Variants in RAP1B observed in about 807,000 individuals in gnomAD.
RAP1B encodes ras-related protein Rap-1b.
RAP1B carries 1 observed loss-of-function variant against 27.5 expected under a neutral mutation model. The observed-to-expected ratio is 0.04, with a 90% CI of 0.01 to 0.17. RAP1B has a LOEUF of 0.17. Ranked by LOEUF, RAP1B falls within the 10% of genes least tolerant of loss-of-function variation. RAP1B has a pLI of 1.00. For synonymous variants in RAP1B, 75 were observed against 73.1 expected, an observed-to-expected ratio of 1.03 and a Z score of -0.13; for missense variants, 84 against 214.8, an observed-to-expected ratio of 0.39 and a Z score of 3.81.
At position 68,664,869 on chromosome 12, in the gene RAP1B, T is replaced by A. The variant is rs982754248; in HGVS notation, c.*5620T>A. 1.3e-5 allele frequency: 2 copies of A among 152,232 alleles called. No individual in the cohort carries two copies. Among genetic ancestry groups the A allele is most frequent in the African/African-American group, 4.8e-5 (2 of 41,470 alleles). The allele number at this position is 152,232 out of a possible 1,614,324, so 9.4% of individuals were successfully genotyped here. On this transcript the variant is annotated 3_prime_UTR_variant, in exon 8 of 8. Transcript: ENST00000250559. ...TAAAGCAAGTGACTCATAATAAAAA[T>A]TGTTATTTTGTAAAATATATGGACT...
intron 1 of RAP1B, chr12:68,642,777 ACTT>A: frequency 9.5e-7 from 1 of 1,054,594 alleles, no homozygotes; most frequent in Non-Finnish European, 1.5e-6. Context: ...AGGGCATTAA[ACTT>A]CTTAAAGTCA....
rs1592464118 is a variant in RAP1B at position 68,652,070 on chromosome 12, CAAA to C, written c.183+20_183+22del. ...AGGAACGGTAGGTAAAACTAAATAC[CAAA>C]GTATATACACCGTTTGTACAGTATT... On this transcript the variant is annotated intron_variant, in intron 4 of 7. Coordinates refer to ENST00000250559, the MANE Select transcript of RAP1B (RefSeq NM_001010942.3). The C allele has an allele frequency of 6.3e-7, 1 of 1,576,636 alleles. No homozygotes were observed. Among genetic ancestry groups the C allele is most frequent in the Non-Finnish European group, 8.7e-7 (1 of 1,146,372 alleles).
chr12:68,641,018 T>G (rs1053511641), intron 1 of RAP1B: 7 of 152,340 alleles, frequency 4.6e-5, no homozygotes, highest in Middle Eastern at 3.4e-3. Flanking sequence ...GTTTTTTGTT[T>G]CGTTTTGTTT....
At chr12:68,654,721 C>T (rs1483263127) in intron 5 of RAP1B, among the ~76,000 whole-genome samples, 1 of 152,024 alleles carries the variant, frequency 6.6e-6, no homozygotes, top group African/African-American at 2.4e-5. Context: ...TTGTGATCCG[C>T]CTGCCTCAGC....
At position 68,666,356 on chromosome 12, in the gene RAP1B, ATATT is replaced by A. The variant is rs1423335120; in HGVS notation, c.*7108_*7111del. On this transcript the variant is annotated 3_prime_UTR_variant, in exon 8 of 8. Transcript: ENST00000250559. ...AGTTAGTGTCCTAGTTTAAAAGTAT[ATATT>A]AGTTTCCTAGGGCTGCTGTAACAAA... 6.6e-6 allele frequency: 1 copy of A among 152,216 alleles called. No homozygotes were observed. Among genetic ancestry groups the A allele is most frequent in the African/African-American group, 2.4e-5 (1 of 41,456 alleles). 9.4% of individuals were successfully genotyped at this position (152,216 alleles called of 1,614,324 possible).
intron 1 of RAP1B, chr12:68,647,981 G>A (rs1401730244): frequency 1.3e-5 from 2 of 152,068 alleles, no homozygotes; most frequent in Non-Finnish European, 2.9e-5. Context: ...TGACTCTTTA[G>A]TTTTTTTCTA....
chr12:68,644,752 G>C (rs1457372441), intron 1 of RAP1B, among the ~76,000 whole-genome samples: 3 of 142,168 alleles, frequency 2.1e-5, no homozygotes, highest in East Asian at 2.2e-4. Flanking sequence ...GCAGTGGTGC[G>C]ATCTGGGCTC....
Position 68,662,443 on chromosome 12 carries a change from C to T in RAP1B, c.*3194C>T, listed in dbSNP as rs1471845395. ...ATAGCTCATCTTTACCATATGTGGG[C>T]ATTACAAATAGAAATTTTTAAAATT... On this transcript the variant is annotated 3_prime_UTR_variant, in exon 8 of 8. Transcript: ENST00000250559. 2.0e-5 allele frequency: 3 copies of T among 151,210 alleles called. No individual in the cohort carries two copies. The highest frequency in any genetic ancestry group is 4.4e-5 in the Non-Finnish European group (3 of 67,854). The allele number at this position is 151,210 out of a possible 1,614,324, so 9.4% of individuals were successfully genotyped here. A position where few individuals can be genotyped will look rare whatever the true frequency, so the allele number is the denominator to read the frequency against.
chr12:68,622,160 T>C (rs950255701), intron 1 of RAP1B, among the ~76,000 whole-genome samples: 1 of 152,226 alleles, frequency 6.6e-6, no homozygotes, highest in African/African-American at 2.4e-5. Flanking sequence ...ACCTTATCTT[T>C]ATGTAGAGAA....
chr12:68,615,108 T>C (rs1415688785), intron 1 of RAP1B, among the ~76,000 whole-genome samples: 4 of 152,212 alleles, frequency 2.6e-5, no homozygotes, highest in Non-Finnish European at 4.4e-5. Context: ...CAACAAAAAA[T>C]AGTATCACTT....
In RAP1B at chr12:68,663,132, TG is replaced by T. The variant is rs1298459540; in HGVS notation, c.*3885del. ...AGGCTGGCGTACAGTGGTGCGATCT[TG>T]GCTCACCCCAACCTCTGCCTCCCAG... On this transcript the variant is annotated 3_prime_UTR_variant, in exon 8 of 8. Coordinates refer to ENST00000250559, the MANE Select transcript of RAP1B (RefSeq NM_001010942.3). 2 of 152,006 alleles carry T rather than the reference TG, an allele frequency of 1.3e-5. No individual in the cohort carries two copies. Among genetic ancestry groups the T allele is most frequent in the African/African-American group, 4.8e-5 (2 of 41,360 alleles). 9.4% of individuals were successfully genotyped at this position (152,006 alleles called of 1,614,324 possible).
intron 4 of RAP1B, 31 bp from the exon 5 acceptor site, chr12:68,654,081 G>GT (rs1273206608): frequency 1.9e-6 from 3 of 1,542,062 alleles, no homozygotes; most frequent in Non-Finnish European, 2.7e-6. Context: ...AAACATTATT[G>GT]TTTTTTAACG....
intron 1 of RAP1B, chr12:68,627,259 A>G: frequency 9.4e-7 from 1 of 1,059,632 alleles, no homozygotes; most frequent in Admixed American, 1.7e-5. Context: ...CCCTTAGAGC[A>G]ACCCATACAA....
intron 1 of RAP1B, among the ~76,000 whole-genome samples, chr12:68,630,155 A>G (rs1272672539): frequency 6.6e-6 from 1 of 152,168 alleles, no homozygotes; most frequent in Non-Finnish European, 1.5e-5. Context: ...GCTGAAACCC[A>G]TTTGCCACCT....
chr12:68,630,756 C>G (rs1276733141), intron 1 of RAP1B, among the ~76,000 whole-genome samples: 1 of 151,988 alleles, frequency 6.6e-6, no homozygotes, highest in African/African-American at 2.4e-5. Context: ...CAGCTCACTG[C>G]AACCTCAACC....
intron 1 of RAP1B, among the ~76,000 whole-genome samples, chr12:68,643,797 A>G (rs1042818747): frequency 1.3e-5 from 2 of 152,158 alleles, no homozygotes; most frequent in African/African-American, 2.4e-5. Flanking sequence ...CAACTTCACA[A>G]TTCCTCTGTT....
intron 1 of RAP1B, among the ~76,000 whole-genome samples, chr12:68,639,658 G>A (rs1271298085): frequency 6.6e-6 from 1 of 152,080 alleles, no homozygotes; most frequent in African/African-American, 2.4e-5. Flanking sequence ...CTAAAGAGCT[G>A]GCACAGGAAC....
At chr12:68,614,585 A>G (rs1388364630) in intron 1 of RAP1B, among the ~76,000 whole-genome samples, 1 of 151,912 alleles carries the variant, frequency 6.6e-6, no homozygotes, top group African/African-American at 2.4e-5. Flanking sequence ...GACTAAAAAT[A>G]TGCCCTGGGT....
intron 6 of RAP1B, 100 bp downstream of exon 6, chr12:68,656,549 T>A: frequency 1.6e-6 from 2 of 1,215,566 alleles, no homozygotes; most frequent in Non-Finnish European, 2.4e-6. Flanking sequence ...CTCAGGGTAA[T>A]ATGTTGATGT....
Sources: gnomAD v4.1 joint callset for allele counts (sites outside exome capture counted in the v4.1 genomes callset) on GRCh38, gnomAD v4.1.1 for gene constraint, MANE v1.5 for transcripts, NCBI Gene and HGNC (gene_info 2026-07-23, HGNC 2026-07-21) for gene names.